Variants in HIVEP1 observed in about 807,000 individuals in gnomAD.
HIVEP1 encodes zinc finger protein 40.
HIVEP1 carries 36 observed loss-of-function variants against 180.0 expected under a neutral mutation model. The ratio of observed to expected loss-of-function variants is 0.20; its 90% CI spans 0.15 to 0.26. HIVEP1 has a LOEUF of 0.26. Among genes scored for constraint, HIVEP1 ranks in the 10% least tolerant of loss-of-function variants. The probability of loss-of-function intolerance (pLI) is 1.00; values close to 1 mark genes in which losing one functional copy is unlikely to be tolerated. For missense variants in HIVEP1, 3,143 were observed against 3,268.7 expected (o/e 0.96, Z 0.94); for synonymous variants, 1,239 against 1,239.0 (o/e 1.00, Z 0.00).
rs367826691 is a variant in HIVEP1 at position 12,123,490 on chromosome 6, T to A, written c.3695T>A (p.Ile1232Asn). The stretch of plus-strand genomic sequence containing the variant: ...TCAAGACTTGTCCGGCAGCACAACA[T>A]CCAAGTTCCAGAGATTTTGGTCACA... ...QPSRLVRQHNIQVPEILVTEE... is the reference protein window; with the variant it reads ...QPSRLVRQHNNQVPEILVTEE... Residue 1232 changes from isoleucine (I) to asparagine (N), a missense_variant, in exon 4 of 9, where the codon ATC (isoleucine) becomes AAC (asparagine). Transcript: ENST00000379388. 6.2e-7 allele frequency: 1 copy of A among 1,614,042 alleles called. No homozygotes were observed. The highest frequency in any genetic ancestry group is 8.5e-7 in the Non-Finnish European group (1 of 1,179,994).
intron 6 of HIVEP1, 66 bp from the exon 7 acceptor site, chr6:12,135,725 C>A: frequency 1.0e-6 from 1 of 973,410 alleles, no homozygotes; most frequent in East Asian, 2.4e-5. Flanking sequence ...TGAAATTTGC[C>A]AGTGTTTACA....
the HIVEP1 span, among the ~76,000 whole-genome samples, chr6:12,183,329 A>G: frequency 4.6e-5 from 7 of 152,188 alleles, no homozygotes; most frequent in Non-Finnish European, 7.3e-5. Flanking sequence ...AGGAGAACTA[A>G]GTGAGAGAAA....
chr6:12,030,180 T>A (rs1768846760), intron 2 of HIVEP1, among the ~76,000 whole-genome samples: 2 of 152,212 alleles, frequency 1.3e-5, no homozygotes, highest in African/African-American at 4.8e-5. Flanking sequence ...GTTTGTTTTC[T>A]TTGCAAGATG....
intron 3 of HIVEP1, among the ~76,000 whole-genome samples, chr6:12,089,518 G>T (rs1299304667): frequency 6.6e-6 from 1 of 152,030 alleles, no homozygotes; most frequent in Non-Finnish European, 1.5e-5. Flanking sequence ...AGACTGTCCT[G>T]TAGCAATAAA....
At chr6:12,177,181 G>A in the HIVEP1 span, among the ~76,000 whole-genome samples, 1 of 152,136 alleles carries the variant, frequency 6.6e-6, no homozygotes, top group Non-Finnish European at 1.5e-5. Context: ...AGGGTGGGAG[G>A]AGGGAGAGGA....
At chr6:12,076,924 C>T (rs1489762394) in intron 2 of HIVEP1, among the ~76,000 whole-genome samples, 1 of 151,966 alleles carries the variant, frequency 6.6e-6, no homozygotes, top group Non-Finnish European at 1.5e-5. Flanking sequence ...ATGAGAGAGG[C>T]CTTTTCAGAG....
intron 2 of HIVEP1, among the ~76,000 whole-genome samples, chr6:12,050,027 C>T (rs896386618): frequency 2.6e-5 from 4 of 152,148 alleles, no homozygotes; most frequent in African/African-American, 9.7e-5. Context: ...GAGTCTGCCC[C>T]TGTTGCTCCT....
intron 3 of HIVEP1, among the ~76,000 whole-genome samples, chr6:12,106,340 G>A (rs955256380): frequency 6.6e-6 from 1 of 151,780 alleles, no homozygotes; most frequent in Non-Finnish European, 1.5e-5. Flanking sequence ...GCAAATTGAC[G>A]TACTCAAAAT....
At chr6:12,036,918 A>AAAAC (rs1421964820) in intron 2 of HIVEP1, among the ~76,000 whole-genome samples, 4 of 152,200 alleles carry the variant, frequency 2.6e-5, no homozygotes, top group African/African-American at 4.8e-5. Flanking sequence ...ACCAAAACCA[A>AAAAC]AAACAAACAA....
downstream of HIVEP1, among the ~76,000 whole-genome samples, chr6:12,167,640 C>CATGTTATATTACATGTAT (rs1562023596): frequency 2.1e-3 from 203 of 95,684 alleles, 46 homozygotes; most frequent in African/African-American, 4.9e-3. Flanking sequence ...GTTATATATA[C>CATGTTATATTACATGTAT]ATATACATAT....
At chr6:12,033,525 C>T (rs1326893467) in intron 2 of HIVEP1, among the ~76,000 whole-genome samples, 3 of 152,170 alleles carry the variant, frequency 2.0e-5, no homozygotes, top group South Asian at 2.1e-4. Flanking sequence ...TCAACCTCAG[C>T]GGTTCTCTTC....
chr6:12,062,928 C>T (rs1358276455), intron 2 of HIVEP1, among the ~76,000 whole-genome samples: 3 of 152,086 alleles, frequency 2.0e-5, no homozygotes, highest in Non-Finnish European at 2.9e-5. Flanking sequence ...GCTGAGTGAC[C>T]GAAGTTACGC....
At chr6:12,008,611 T>C (rs1767121395), upstream of HIVEP1, 2 of 151,162 alleles carry the variant, frequency 1.3e-5, no homozygotes, top group African/African-American at 2.4e-5. Context: ...AACCTGCAAG[T>C]GAAGTGCGGA....
At chr6:12,209,127 C>A in the HIVEP1 span, among the ~76,000 whole-genome samples, 34,992 of 152,086 alleles carry the variant, frequency 0.23, 4,013 homozygotes, top group Admixed American at 0.25. Flanking sequence ...TCTCCTCTGG[C>A]CACTTATTCA....
intron 2 of HIVEP1, among the ~76,000 whole-genome samples, chr6:12,081,431 A>C (rs1203395211): frequency 6.6e-6 from 1 of 152,142 alleles, no homozygotes; most frequent in Admixed American, 6.6e-5. Context: ...ACCTCAATAC[A>C]GTGGAGGCAG....
At chr6:12,103,174 T>G (rs1423063799) in intron 3 of HIVEP1, among the ~76,000 whole-genome samples, 1 of 112,212 alleles carries the variant, frequency 8.9e-6, no homozygotes, top group Non-Finnish European at 1.9e-5. Flanking sequence ...CCAGCGATGG[T>G]GTTGATTATG....
the HIVEP1 span, among the ~76,000 whole-genome samples, chr6:12,197,577 A>C: frequency 1.3e-5 from 2 of 151,138 alleles, no homozygotes; most frequent in African/African-American, 4.9e-5. Context: ...AAAAGTAAAG[A>C]AAAGAAAAAG....
At position 12,098,875 on chromosome 6, in the gene HIVEP1, A is replaced by G. The variant is rs1046159723; in HGVS notation, c.94+9638A>G. On this transcript the variant is annotated intron_variant, in intron 3 of 8. Coordinates refer to ENST00000379388, the MANE Select transcript of HIVEP1 (RefSeq NM_002114.4). ...TGTGCAAAGGGTATTTTGTGGAGCT[A>G]TGCTATATGCAGGAAATTTATCAAA... Among the ~76,000 whole-genome samples, 4 of 152,230 alleles carry G rather than the reference A, an allele frequency of 2.6e-5. No individual in the cohort carries two copies. The East Asian group carries it at 7.7e-4, about 29-fold the overall frequency.
chr6:12,107,573 C>T lies in HIVEP1; in HGVS notation c.95-12317C>T, dbSNP rs1242182060. Among the ~76,000 whole-genome samples, 5 of 152,094 alleles carry T rather than the reference C, an allele frequency of 3.3e-5. No homozygotes were observed. In the South Asian group the frequency reaches 1.0e-3, roughly 32 times the overall value. On this transcript the variant is annotated intron_variant, in intron 3 of 8. Coordinates refer to ENST00000379388, the MANE Select transcript of HIVEP1 (RefSeq NM_002114.4). ...TAAAGGCATGTGTCCACAGTTTGTT[C>T]CTTCTGATGTTCGGATGTGTTCGGA...
Sources: allele counts gnomAD v4.1 joint callset (sites outside exome capture counted in the v4.1 genomes callset), GRCh38; gene constraint gnomAD v4.1.1; transcripts MANE v1.5; gene names NCBI Gene and HGNC (gene_info 2026-07-23, HGNC 2026-07-21).